The following FAM169A variants were observed in gnomAD, a reference collection of about 807,000 sequenced individuals.
The protein encoded by FAM169A is family with sequence similarity 169 member A, also known as soluble lamin-associated protein of 75 kDa.
FAM169A carries 24 observed loss-of-function variants against 75.7 expected under a neutral mutation model. The observed-to-expected ratio is 0.32, with a 90% CI of 0.23 to 0.45. The LOEUF (loss-of-function observed/expected upper bound fraction) is 0.45, where lower values mean the gene tolerates loss of function less well. Among genes scored for constraint, FAM169A ranks in the 20% least tolerant of loss-of-function variants. FAM169A has a pLI of 1.00. For missense variants in FAM169A, 673 were observed against 784.0 expected (o/e 0.86, Z 1.69); for synonymous variants, 271 against 271.0 (o/e 1.00, Z 0.00).
intron 5 of FAM169A, among the ~76,000 whole-genome samples, chr5:74,829,459 A>G (rs1748199385): frequency 6.6e-6 from 1 of 152,228 alleles, no homozygotes; most frequent in Non-Finnish European, 1.5e-5. Flanking sequence ...TTTGTTGCTA[A>G]GCCCGTGTTT....
At chr5:74,850,753 C>T (rs1749400869) in intron 1 of FAM169A, among the ~76,000 whole-genome samples, 1 of 152,112 alleles carries the variant, frequency 6.6e-6, no homozygotes, top group Admixed American at 6.5e-5. Flanking sequence ...ACCAGTATGA[C>T]TTATACAATC....
Position 74,781,269 on chromosome 5 carries a change from T to C in FAM169A, c.*191A>G. ...AATAAAAAATTGCATTTACCAAAAA[T>C]AGCCTGGAAAATTAAAAACAATGGT... On this transcript the variant is annotated 3_prime_UTR_variant, in exon 13 of 13. Transcript: ENST00000687041. The C allele has an allele frequency of 8.0e-6, 4 of 500,978 alleles. No individual in the cohort carries two copies. The highest frequency in any genetic ancestry group is 4.5e-5 in the South Asian group (1 of 22,338). 31.0% of individuals were successfully genotyped at this position (500,978 alleles called of 1,614,324 possible). A position where few individuals can be genotyped will look rare whatever the true frequency, so the allele number is the denominator to read the frequency against.
chr5:74,791,590 A>C (rs567353021), intron 11 of FAM169A, among the ~76,000 whole-genome samples: 27 of 152,232 alleles, frequency 1.8e-4, no homozygotes, highest in Non-Finnish European at 3.7e-4. Flanking sequence ...TATCAAGATG[A>C]AATCAGTCTA....
At chr5:74,784,516 A>G (rs1745575560) in intron 11 of FAM169A, among the ~76,000 whole-genome samples, 2 of 148,326 alleles carry the variant, frequency 1.3e-5, no homozygotes, top group East Asian at 3.9e-4. Context: ...GTCTCAAAAA[A>G]AAAAAAAAAA....
chr5:74,783,861 T>C (rs1200819954), intron 11 of FAM169A, among the ~76,000 whole-genome samples: 2 of 152,194 alleles, frequency 1.3e-5, no homozygotes, highest in Admixed American at 1.3e-4. Context: ...ATTATTAAAA[T>C]TATAAAACTG....
Position 74,801,020 on chromosome 5 carries a change from T to C in FAM169A, c.963A>G (p.Lys321=). 1 of 1,555,100 alleles carries C rather than the reference T, an allele frequency of 6.4e-7. No homozygotes were observed. ...TTCGAGTATGAGTGGAAACAGATGT[T>C]TTATCATGACCTGAGGAGAAAAACA... ...AFASTSEGHD[K]TSVSTHTRSG... is the part of the protein sequence containing the mutation. Residue 321 remains lysine, a synonymous_variant, in exon 10 of 13, where the codon AAA becomes AAG. Coordinates refer to ENST00000687041, the MANE Select transcript of FAM169A (RefSeq NM_001376049.1).
At chr5:74,837,609 A>G (rs1040240693) in intron 4 of FAM169A, among the ~76,000 whole-genome samples, 3 of 152,148 alleles carry the variant, frequency 2.0e-5, no homozygotes. Flanking sequence ...TGCCCCTTTA[A>G]GCAAGCATCA....
At chr5:74,831,565 T>C (rs1017822391) in intron 5 of FAM169A, among the ~76,000 whole-genome samples, 6 of 152,268 alleles carry the variant, frequency 3.9e-5, no homozygotes, top group African/African-American at 1.2e-4. Context: ...TCCTTTCTTG[T>C]TGGGCAACCC....
At chr5:74,866,845 C>A (rs545849580), upstream of FAM169A, 2 of 985,466 alleles carry the variant, frequency 2.0e-6, no homozygotes, top group African/African-American at 3.5e-5. Context: ...CCATCCCGGC[C>A]TCGGGACAGG....
chr5:74,814,618 C>T (rs933135945), intron 5 of FAM169A, among the ~76,000 whole-genome samples: 11 of 152,044 alleles, frequency 7.2e-5, no homozygotes, highest in African/African-American at 2.2e-4. Context: ...GATAAAATTT[C>T]CTGTAGATAC....
At chr5:74,789,373 G>A (rs558465626) in intron 11 of FAM169A, among the ~76,000 whole-genome samples, 2 of 152,278 alleles carry the variant, frequency 1.3e-5, no homozygotes, top group Non-Finnish European at 2.9e-5. Flanking sequence ...TCCTTCTAAG[G>A]TAAAGGATAG....
At chr5:74,836,235 G>T (rs1443696327) in intron 4 of FAM169A, among the ~76,000 whole-genome samples, 1 of 152,190 alleles carries the variant, frequency 6.6e-6, no homozygotes, top group East Asian at 1.9e-4. Context: ...TGTTGTTTCA[G>T]TTTGGTGTTC....
intron 1 of FAM169A, among the ~76,000 whole-genome samples, chr5:74,856,273 T>C (rs1749700106): frequency 6.6e-6 from 1 of 152,226 alleles, no homozygotes; most frequent in African/African-American, 2.4e-5. Flanking sequence ...TGGGGTCTTT[T>C]GTGGTTCCAT....
chr5:74,834,495 T>G lies in FAM169A; in HGVS notation c.421A>C (p.Ser141Arg). The change falls in exon 5 of 13, where the codon AGT becomes CGT. Residue 141 changes from serine to arginine, a missense_variant. Transcript: ENST00000687041. ...RNEIPFLCHS[S>R]TDYAKILWKK... ...CACAGAATCTTAGCATAATCAGTAC[T>G]GCTATGACACAGGAATGGGATCTCA... The G allele has an allele frequency of 6.2e-7, 1 of 1,604,424 alleles. No homozygotes were observed. Among genetic ancestry groups the G allele is most frequent in the South Asian group, 1.1e-5 (1 of 89,228 alleles).
chr5:74,848,579 C>T (rs1197749689), intron 1 of FAM169A: 4 of 152,120 alleles, frequency 2.6e-5, no homozygotes, highest in Admixed American at 6.6e-5. Context: ...GACCTTGGCT[C>T]TGGGGTCAGC....
At chr5:74,831,524 T>C (rs1247895616) in intron 5 of FAM169A, among the ~76,000 whole-genome samples, 1 of 152,034 alleles carries the variant, frequency 6.6e-6, no homozygotes, top group African/African-American at 2.4e-5. Context: ...GGATTTCAGA[T>C]TTTGGGGGGA....
intron 1 of FAM169A, among the ~76,000 whole-genome samples, chr5:74,852,599 T>C (rs1749497796): frequency 6.6e-6 from 1 of 151,990 alleles, no homozygotes; most frequent in South Asian, 2.1e-4. Flanking sequence ...AAGAGGCAGA[T>C]AGTGGGGAAG....
At position 74,777,765 on chromosome 5, in the gene FAM169A, T is replaced by A. The variant is rs957369481; in HGVS notation, c.*3695A>T. The A allele has an allele frequency of 3.9e-5, 6 of 151,960 alleles. No individual in the cohort carries two copies. In the East Asian group the frequency reaches 1.2e-3, roughly 29 times the overall value. The allele number at this position is 151,960 out of a possible 1,614,324, so 9.4% of individuals were successfully genotyped here. A position where few individuals can be genotyped will look rare whatever the true frequency, so the allele number is the denominator to read the frequency against. ...AAACAATCACAAAATATAGGTTTAA[T>A]TACTACTTTTAAACTTAAAAAAAAA... is the stretch of plus-strand genomic sequence containing the variant. On this transcript the variant is annotated 3_prime_UTR_variant, in exon 13 of 13. Coordinates refer to ENST00000687041, the MANE Select transcript of FAM169A (RefSeq NM_001376049.1).
intron 11 of FAM169A, among the ~76,000 whole-genome samples, chr5:74,793,499 C>G (rs930581550): frequency 6.6e-6 from 1 of 152,046 alleles, no homozygotes; most frequent in African/African-American, 2.4e-5. Flanking sequence ...TAAGTGGGAG[C>G]TAAGCTATGA....
Sources: gnomAD v4.1 joint callset for allele counts (sites outside exome capture counted in the v4.1 genomes callset) on GRCh38, gnomAD v4.1.1 for gene constraint, MANE v1.5 for transcripts, NCBI Gene and HGNC (gene_info 2026-07-23, HGNC 2026-07-21) for gene names.